The following NCOR2 variants were observed in gnomAD, a reference collection of about 807,000 sequenced individuals.
NCOR2 encodes the protein CTG repeat protein 26.
NCOR2 carries 81 observed loss-of-function variants against 262.9 expected under a neutral mutation model. The ratio of observed to expected loss-of-function variants is 0.31; its 90% CI spans 0.26 to 0.37. The LOEUF is 0.37. NCOR2 is among the 10% of genes least tolerant of loss of function. NCOR2 has a pLI of 1.00. For synonymous variants in NCOR2, 1,659 were observed against 1,559.3 expected, an observed-to-expected ratio of 1.06 and a Z score of -1.51; for missense variants, 3,385 against 3,621.4, an observed-to-expected ratio of 0.93 and a Z score of 1.68.
intron 1 of NCOR2, among the ~76,000 whole-genome samples, chr12:124,530,434 G>A (rs1295667403): frequency 1.3e-5 from 2 of 152,134 alleles, no homozygotes; most frequent in African/African-American, 4.8e-5. Context: ...TAAAATGGGT[G>A]CATCATTATA....
chr12:124,510,873 A>G (rs1593903004), intron 1 of NCOR2, among the ~76,000 whole-genome samples: 1 of 151,626 alleles, frequency 6.6e-6, no homozygotes, highest in South Asian at 2.1e-4. Flanking sequence ...CCACATCCTC[A>G]CCTCCCTCAC....
At chr12:124,342,950 G>T (rs2036582927) in intron 33 of NCOR2, 55 bp downstream of exon 35, 7 of 1,578,412 alleles carry the variant, frequency 4.4e-6, no homozygotes, top group Non-Finnish European at 6.0e-6. Flanking sequence ...CACTGATGAG[G>T]TCCGTGGCCC....
At chr12:124,416,100 TG>T (rs2042844764) in intron 13 of NCOR2, among the ~76,000 whole-genome samples, 1 of 152,126 alleles carries the variant, frequency 6.6e-6, no homozygotes, top group Admixed American at 6.5e-5. Flanking sequence ...AAGCGTCCAC[TG>T]GAGCTGAGAC....
exon 20 of NCOR2, chr12:124,372,594 G>C: frequency 6.3e-7 from 1 of 1,598,116 alleles, no homozygotes; most frequent in Non-Finnish European, 8.5e-7. Flanking sequence ...CGGTGTCTGA[G>C]CTGTTGTTGA....
chr12:124,354,889 C>A (rs376713768), exon 25 of NCOR2: 5 of 1,612,038 alleles, frequency 3.1e-6, no homozygotes, highest in South Asian at 1.1e-5. Flanking sequence ...CAGGGCCCAC[C>A]GGGGCCTTGG....
chr12:124,327,385 G>T (rs748631170), intron 45 of NCOR2, 24 bp downstream of exon 47: 23 of 1,561,200 alleles, frequency 1.5e-5, no homozygotes, highest in Non-Finnish European at 2.0e-5. Flanking sequence ...ACAGACGGGG[G>T]CGGGGCGGGG....
intron 8 of NCOR2, among the ~76,000 whole-genome samples, chr12:124,436,111 A>T (rs1194291038): frequency 6.6e-6 from 1 of 152,204 alleles, no homozygotes; most frequent in Non-Finnish European, 1.5e-5. Context: ...TGCGAGCCTC[A>T]CACACAGTAG....
At chr12:124,397,206 G>A (rs61932026) in intron 16 of NCOR2, among the ~76,000 whole-genome samples, 18,205 of 152,246 alleles carry the variant, frequency 0.12, 1,411 homozygotes, top group East Asian at 0.23. Flanking sequence ...CCAGTGATGC[G>A]CCAGCTCCGA....
exon 38 of NCOR2, chr12:124,336,856 G>C: frequency 6.2e-7 from 1 of 1,611,934 alleles, no homozygotes; most frequent in Non-Finnish European, 8.5e-7. Context: ...GGTCCGGGCT[G>C]GCGTGGTGAG....
At chr12:124,363,701 C>CGCTGCTTCA in exon 21 of NCOR2, 1 of 1,398,918 alleles carries the variant, frequency 7.1e-7, no homozygotes, top group Non-Finnish European at 9.4e-7. Context: ...GGCAGCCGCT[C>CGCTGCTTCA]GCTGCTTCAG....
intron 1 of NCOR2, among the ~76,000 whole-genome samples, chr12:124,544,169 G>C (rs535175386): frequency 2.0e-5 from 3 of 152,162 alleles, no homozygotes; most frequent in African/African-American, 4.8e-5. Context: ...TGGAAGCTTC[G>C]GGAAACCTCT....
At chr12:124,446,030 A>G (rs2045146609) in intron 7 of NCOR2, among the ~76,000 whole-genome samples, 1 of 152,224 alleles carries the variant, frequency 6.6e-6, no homozygotes, top group South Asian at 2.1e-4. Context: ...ACATGGTGGG[A>G]CGGGGCCTGC....
At chr12:124,414,397 T>C (rs916229672) in intron 13 of NCOR2, among the ~76,000 whole-genome samples, 1 of 152,100 alleles carries the variant, frequency 6.6e-6, no homozygotes, top group Non-Finnish European at 1.5e-5. Flanking sequence ...ACTGTCGCCG[T>C]CATCATCACC....
At chr12:124,466,127 T>C (rs750180160) in intron 5 of NCOR2, 46 bp downstream of exon 7, 1 of 1,550,046 alleles carries the variant, frequency 6.5e-7, no homozygotes, top group Admixed American at 1.9e-5. Flanking sequence ...GTGAAGCGCC[T>C]CATGGCCAGC....
chr12:124,413,456 C>T (rs545626920), intron 13 of NCOR2, among the ~76,000 whole-genome samples: 64 of 152,296 alleles, frequency 4.2e-4, no homozygotes, highest in Non-Finnish European at 6.6e-4. Context: ...ACTGTGCATC[C>T]GATGGGCACC....
At chr12:124,460,379 C>T (rs1400228514) in intron 5 of NCOR2, among the ~76,000 whole-genome samples, 2 of 152,254 alleles carry the variant, frequency 1.3e-5, no homozygotes, top group African/African-American at 2.4e-5. Flanking sequence ...CCTCTCTCCA[C>T]GTCGCTGCAG....
At chr12:124,507,967 T>C (rs2049141990) in intron 1 of NCOR2, among the ~76,000 whole-genome samples, 1 of 152,280 alleles carries the variant, frequency 6.6e-6, no homozygotes, top group South Asian at 2.1e-4. Flanking sequence ...GAGGAATTTA[T>C]GGGGTCGCCT....
upstream of NCOR2, among the ~76,000 whole-genome samples, chr12:124,496,457 C>G (rs1166751918): frequency 6.6e-6 from 1 of 152,138 alleles, no homozygotes; most frequent in Non-Finnish European, 1.5e-5. The surrounding 1 kb of genome is among the most constrained non-coding windows in gnomAD (Gnocchi z 4.4). Flanking sequence ...ACCCTGGCAC[C>G]GGGACCCAGC....
Position 124,440,154 on chromosome 12 carries a change from G to A in NCOR2, c.816-2158C>T, listed in dbSNP as rs753122642. Among the ~76,000 whole-genome samples the A allele has an allele frequency of 6.6e-6, 1 of 152,192 alleles. No homozygotes were observed. The highest frequency in any genetic ancestry group is 1.5e-5 in the Non-Finnish European group (1 of 68,028). On this transcript the variant is annotated intron_variant, in intron 7 of 46. Coordinates refer to ENST00000405201, the Ensembl canonical transcript of NCOR2. The surrounding 1 kb of genome is among the most constrained non-coding windows in gnomAD (Gnocchi z 5.7). ...CAATCCGCGGCATTCAGTGGCACCC[G>A]CTTTTCTGGGGAGGGGATCCCCAAC...
Sources: gnomAD v4.1 joint callset for allele counts (sites outside exome capture counted in the v4.1 genomes callset) on GRCh38, gnomAD v4.1.1 for gene constraint, Gnocchi (gnomAD v3.1) non-coding constraint, MANE v1.5 for transcripts, NCBI Gene and HGNC (gene_info 2026-07-23, HGNC 2026-07-21) for gene names.